The following CCDC92B variants were observed in gnomAD, a reference collection of about 807,000 sequenced individuals.
The protein encoded by CCDC92B is coiled-coil domain-containing 92B.
CCDC92B carries 2 observed loss-of-function variants against 5.6 expected under a neutral mutation model. The ratio of observed to expected loss-of-function variants is 0.36; its 90% CI spans 0.15 to 1.12. The LOEUF is 1.12. Ranked by LOEUF, CCDC92B falls within the 50% of genes most tolerant of loss-of-function variation. CCDC92B has a pLI of 0.40. For missense variants in CCDC92B, 271 were observed against 262.2 expected (o/e 1.03, Z -0.23); for synonymous variants, 115 against 122.3 (o/e 0.94, Z 0.39).
chr17:2,729,114 C>G (rs1245619072), intron 3 of CCDC92B, among the ~76,000 whole-genome samples: 1 of 152,100 alleles, frequency 6.6e-6, no homozygotes, highest in Non-Finnish European at 1.5e-5. Context: ...TCAAGTGATT[C>G]TCCTGCCTTG....
intron 2 of CCDC92B, among the ~76,000 whole-genome samples, chr17:2,734,291 T>C (rs1010817782): frequency 1.3e-5 from 2 of 152,092 alleles, no homozygotes; most frequent in Non-Finnish European, 2.9e-5. Context: ...CTGGGCCTCC[T>C]CCTTCAGCAC....
At chr17:2,741,555 T>C (rs964632475) in intron 1 of CCDC92B, among the ~76,000 whole-genome samples, 1 of 150,818 alleles carries the variant, frequency 6.6e-6, no homozygotes, top group Non-Finnish European at 1.5e-5. Flanking sequence ...GGTGTCCACC[T>C]GTAGTCCTAG....
At chr17:2,733,744 CTTTTTTTTTTT>C (rs386385447) in intron 2 of CCDC92B, among the ~76,000 whole-genome samples, 35 of 49,328 alleles carry the variant, frequency 7.1e-4, no homozygotes, top group East Asian at 1.8e-3. Context: ...GGACCACTGG[CTTTTTTTTTTT>C]TTTTTTTTTT....
chr17:2,748,639 G>T, intron 1 of CCDC92B: 2 of 973,856 alleles, frequency 2.1e-6, no homozygotes, highest in Non-Finnish European at 1.2e-6. Context: ...GGCCCACAAT[G>T]AATGCTGCTG....
chr17:2,726,969 G>A (rs892258121), intron 3 of CCDC92B, among the ~76,000 whole-genome samples: 8 of 150,270 alleles, frequency 5.3e-5, no homozygotes, highest in African/African-American at 1.7e-4. Flanking sequence ...GGAGTGCAGC[G>A]GCATAGCTCA....
At chr17:2,731,206 G>A (rs993902320) in intron 2 of CCDC92B, among the ~76,000 whole-genome samples, 15 of 152,142 alleles carry the variant, frequency 9.9e-5, no homozygotes, top group Admixed American at 5.2e-4. Flanking sequence ...ACTGGTGCAG[G>A]AGCAGTTTCC....
At chr17:2,728,606 A>AC (rs1211158256) in intron 3 of CCDC92B, among the ~76,000 whole-genome samples, 3 of 151,892 alleles carry the variant, frequency 2.0e-5, no homozygotes, top group Admixed American at 6.6e-5. Flanking sequence ...CCGTCTCAAA[A>AC]AAAAAAAACA....
intron 3 of CCDC92B, among the ~76,000 whole-genome samples, chr17:2,727,822 T>C (rs539792313): frequency 2.3e-5 from 2 of 87,430 alleles, no homozygotes; most frequent in African/African-American, 7.9e-5. Context: ...AGACTCCGTC[T>C]CAAAAAAAAA....
intron 1 of CCDC92B, among the ~76,000 whole-genome samples, chr17:2,737,363 G>A (rs551219235): frequency 2.5e-4 from 38 of 151,582 alleles, no homozygotes; most frequent in Non-Finnish European, 1.9e-4. Flanking sequence ...GGGTTACATC[G>A]AGCAGGTCCC....
Position 2,724,048 on chromosome 17 carries a change from G to A in CCDC92B, c.*363C>T. 3.8e-6 allele frequency: 3 copies of A among 791,068 alleles called. No individual in the cohort carries two copies. Among genetic ancestry groups the A allele is most frequent in the Non-Finnish European group, 3.1e-6 (2 of 653,402 alleles). The allele number at this position is 791,068 out of a possible 1,614,324, so 49.0% of individuals were successfully genotyped here. A position where few individuals can be genotyped will look rare whatever the true frequency, so the allele number is the denominator to read the frequency against. ...GCGTCCCTTTCCGTAGGCGAGCCCA[G>A]CCCTCCCCACCCCACCAAGGATTGT... On this transcript the variant is annotated 3_prime_UTR_variant, in exon 4 of 4. Coordinates refer to ENST00000614400, the MANE Select transcript of CCDC92B (RefSeq NM_001355573.2). This position sits in a 1 kb window ranked among gnomAD's most constrained non-coding sequence, Gnocchi z 5.0.
At chr17:2,733,336 C>G (rs1333674325) in intron 2 of CCDC92B, among the ~76,000 whole-genome samples, 1 of 151,184 alleles carries the variant, frequency 6.6e-6, no homozygotes, top group South Asian at 2.1e-4. Context: ...CTCGGCTCAC[C>G]GCAACCTCCG....
rs925149517 is a variant in CCDC92B at position 2,724,149 on chromosome 17, G to T, written c.*262C>A. 9 of 985,246 alleles carry T rather than the reference G, an allele frequency of 9.1e-6. No homozygotes were observed. Among genetic ancestry groups the T allele is most frequent in the Non-Finnish European group, 1.1e-5 (9 of 829,910 alleles). The allele number at this position is 985,246 out of a possible 1,614,324, so 61.0% of individuals were successfully genotyped here. ...GGTGGGACCAGGCCAGGATCGGGAC[G>T]GCGAGTCCTCTCGGTAGAGAAGGTG... is the stretch of plus-strand genomic sequence containing the variant. On this transcript the variant is annotated 3_prime_UTR_variant, in exon 4 of 4. Coordinates refer to ENST00000614400, the MANE Select transcript of CCDC92B (RefSeq NM_001355573.2). This position sits in a 1 kb window ranked among gnomAD's most constrained non-coding sequence, Gnocchi z 5.0.
At chr17:2,740,367 G>A (rs899107756) in intron 1 of CCDC92B, among the ~76,000 whole-genome samples, 10 of 151,942 alleles carry the variant, frequency 6.6e-5, no homozygotes, top group Non-Finnish European at 1.5e-4. Flanking sequence ...GACCTAATTA[G>A]GCAAAACCCT....
intron 1 of CCDC92B, among the ~76,000 whole-genome samples, chr17:2,741,427 A>C (rs2070925295): frequency 6.6e-6 from 1 of 151,948 alleles, no homozygotes; most frequent in South Asian, 2.1e-4. Context: ...CTGTAATCCC[A>C]GCACTTTGGA....
chr17:2,731,532 A>T (rs111253723), intron 2 of CCDC92B, among the ~76,000 whole-genome samples: 19,027 of 152,074 alleles, frequency 0.13, 1,592 homozygotes, highest in Non-Finnish European at 0.19. Context: ...TGGGACCACC[A>T]CCCAGCAGCG....
chr17:2,723,589 C>T lies in CCDC92B; in HGVS notation c.*822G>A. On this transcript the variant is annotated 3_prime_UTR_variant, in exon 4 of 4. Coordinates refer to ENST00000614400, the MANE Select transcript of CCDC92B (RefSeq NM_001355573.2). ...GGACCAGGAAAACGCCTGGGGCTGC[C>T]TCCTGAGAAGGAAGACAGCTCCTGC... 1 of 152,316 alleles carries T rather than the reference C, an allele frequency of 6.6e-6. No homozygotes were observed. The highest frequency in any genetic ancestry group is 1.9e-4 in the East Asian group (1 of 5,182). The allele number at this position is 152,316 out of a possible 1,614,324, so 9.4% of individuals were successfully genotyped here. A position where few individuals can be genotyped will look rare whatever the true frequency, so the allele number is the denominator to read the frequency against.
intron 3 of CCDC92B, among the ~76,000 whole-genome samples, chr17:2,728,771 C>G (rs2070765328): frequency 6.6e-6 from 1 of 152,150 alleles, no homozygotes; most frequent in South Asian, 2.1e-4. Context: ...CTGCCTTCCT[C>G]CAGCCACCTA....
chr17:2,725,938 C>T lies in CCDC92B; in HGVS notation c.179-938G>A, dbSNP rs374059532. Among the ~76,000 whole-genome samples the T allele has an allele frequency of 1.5e-3, 224 of 148,736 alleles. 1 individual carries two copies. Among genetic ancestry groups the T allele is most frequent in the Non-Finnish European group, 1.9e-3 (131 of 67,554 alleles). On this transcript the variant is annotated intron_variant, in intron 3 of 3. Coordinates refer to ENST00000614400, the MANE Select transcript of CCDC92B (RefSeq NM_001355573.2). The stretch of plus-strand genomic sequence containing the variant: ...GGACTGAAAGAGCTGCCAGTGTGCA[C>T]AGGAAGGGAGTCAGTGTCCTTGTTT...
chr17:2,748,709 T>TA (rs925035390), intron 1 of CCDC92B, among the ~76,000 whole-genome samples: 1 of 152,110 alleles, frequency 6.6e-6, no homozygotes, highest in African/African-American at 2.4e-5. Flanking sequence ...ATACACATAT[T>TA]AAAAAATAAG....
Sources: allele counts gnomAD v4.1 joint callset (sites outside exome capture counted in the v4.1 genomes callset), GRCh38; gene constraint gnomAD v4.1.1; non-coding constraint Gnocchi (gnomAD v3.1); transcripts MANE v1.5; gene names NCBI Gene and HGNC (gene_info 2026-07-23, HGNC 2026-07-21).